Variants in RSRC1 observed in about 807,000 individuals in gnomAD.
RSRC1 encodes the protein arginine and serine rich coiled-coil 1.
A neutral mutation model predicts 49.1 loss-of-function variants in RSRC1; 39 were observed. The observed-to-expected ratio is 0.79, with a 90% CI of 0.61 to 1.04. The LOEUF (loss-of-function observed/expected upper bound fraction) is 1.04. Ranked by LOEUF, RSRC1 falls within the 50% of genes least tolerant of loss-of-function variation. The pLI, the probability that RSRC1 is intolerant of heterozygous loss-of-function variation, is 0.00. For synonymous variants in RSRC1, 143 were observed against 130.8 expected, an observed-to-expected ratio of 1.09 and a Z score of -0.63; for missense variants, 388 against 402.4, an observed-to-expected ratio of 0.96 and a Z score of 0.31.
At chr3:158,206,157 A>G (rs1721334538) in intron 4 of RSRC1, among the ~76,000 whole-genome samples, 1 of 152,216 alleles carries the variant, frequency 6.6e-6, no homozygotes, top group Admixed American at 6.5e-5. Flanking sequence ...TGAGCAGTTA[A>G]AAGATAAGCA....
chr3:158,300,423 A>G (rs376554265), intron 5 of RSRC1, among the ~76,000 whole-genome samples: 1 of 152,200 alleles, frequency 6.6e-6, no homozygotes, highest in Non-Finnish European at 1.5e-5. Context: ...ATTATGAAGA[A>G]TATCTTTATA....
chr3:158,340,350 G>T (rs1046133577), intron 5 of RSRC1, among the ~76,000 whole-genome samples: 1 of 152,136 alleles, frequency 6.6e-6, no homozygotes, highest in African/African-American at 2.4e-5. Context: ...AGACCAGCCT[G>T]CCCAATATGG....
chr3:158,488,720 T>A (rs1738935722), intron 7 of RSRC1, among the ~76,000 whole-genome samples: 1 of 152,218 alleles, frequency 6.6e-6, no homozygotes, highest in Non-Finnish European at 1.5e-5. Context: ...AACTCTGCTG[T>A]TAAATGAGTA....
intron 3 of RSRC1, among the ~76,000 whole-genome samples, chr3:158,173,310 G>A (rs1202549091): frequency 2.0e-5 from 3 of 151,794 alleles, no homozygotes; most frequent in Non-Finnish European, 2.9e-5. Flanking sequence ...TTGACTTTTC[G>A]TAACTCTATA....
At chr3:158,301,648 G>C (rs1177083823) in intron 5 of RSRC1, among the ~76,000 whole-genome samples, 1 of 152,102 alleles carries the variant, frequency 6.6e-6, no homozygotes, top group African/African-American at 2.4e-5. Context: ...AGCATACTTT[G>C]AGTAAAACAA....
At chr3:158,387,315 T>C (rs1359268833) in intron 6 of RSRC1, among the ~76,000 whole-genome samples, 1 of 152,132 alleles carries the variant, frequency 6.6e-6, no homozygotes, top group Non-Finnish European at 1.5e-5. Flanking sequence ...GGTTCTGGAC[T>C]ACTCCAACTT....
At chr3:158,358,927 T>TACACACAC (rs71777898) in intron 6 of RSRC1, among the ~76,000 whole-genome samples, 38 of 129,052 alleles carry the variant, frequency 2.9e-4, no homozygotes, top group African/African-American at 8.3e-4. Flanking sequence ...CACACAAACA[T>TACACACAC]ACACACACAC....
intron 5 of RSRC1, among the ~76,000 whole-genome samples, chr3:158,345,194 T>G (rs1373433016): frequency 1.3e-5 from 2 of 151,150 alleles, no homozygotes; most frequent in Non-Finnish European, 2.9e-5. Flanking sequence ...GCCGCTGCAC[T>G]CCAGTGTGGG....
At chr3:158,393,657 T>C (rs1287978099) in intron 6 of RSRC1, among the ~76,000 whole-genome samples, 1 of 151,848 alleles carries the variant, frequency 6.6e-6, no homozygotes. Flanking sequence ...AGTTTTGAAA[T>C]TGAATCAGTA....
intron 3 of RSRC1, among the ~76,000 whole-genome samples, chr3:158,176,571 G>T (rs1486353733): frequency 2.0e-5 from 3 of 152,178 alleles, no homozygotes; most frequent in Non-Finnish European, 2.9e-5. Flanking sequence ...AATAAATGGT[G>T]CTGGGAAAAC....
intron 6 of RSRC1, among the ~76,000 whole-genome samples, chr3:158,394,215 C>T (rs1733484217): frequency 1.3e-5 from 2 of 152,008 alleles, no homozygotes; most frequent in Non-Finnish European, 1.5e-5. Flanking sequence ...TGGGCAAAAG[C>T]TGGAAGTATT....
At chr3:158,458,020 G>T (rs1018761486) in intron 6 of RSRC1, among the ~76,000 whole-genome samples, 3 of 152,084 alleles carry the variant, frequency 2.0e-5, no homozygotes, top group African/African-American at 7.2e-5. Context: ...AGTGCAAATG[G>T]GTGGGTTTAC....
intron 3 of RSRC1, chr3:158,136,929 A>G (rs1716416010): frequency 1.3e-5 from 2 of 152,300 alleles, no homozygotes; most frequent in East Asian, 3.9e-4. Flanking sequence ...TTCAAGTTCT[A>G]AAAATCTGCT....
chr3:158,208,897 A>G lies in RSRC1; in HGVS notation c.494+5652A>G, dbSNP rs372809014. Among the ~76,000 whole-genome samples the G allele has an allele frequency of 5.8e-4, 88 of 152,310 alleles. No homozygotes were observed. In the South Asian group the frequency reaches 0.018, roughly 31 times the overall value. On this transcript the variant is annotated intron_variant, in intron 4 of 9. Coordinates refer to ENST00000611884, the MANE Select transcript of RSRC1 (RefSeq NM_001271838.2). Reference sequence around the variant, plus strand: ...CTATCTAAGTCTTCTGTGGATTAACATATTATTGGACCTTCTTTACCTACA... The same window carrying G: ...CTATCTAAGTCTTCTGTGGATTAACGTATTATTGGACCTTCTTTACCTACA...
intron 6 of RSRC1, among the ~76,000 whole-genome samples, chr3:158,446,145 G>A (rs1300135709): frequency 6.6e-6 from 1 of 152,032 alleles, no homozygotes; most frequent in Non-Finnish European, 1.5e-5. Flanking sequence ...AGTAGTATCT[G>A]TTTTTAAATG....
intron 6 of RSRC1, among the ~76,000 whole-genome samples, chr3:158,369,835 GA>G (rs1731970780): frequency 6.6e-6 from 1 of 152,158 alleles, no homozygotes; most frequent in Middle Eastern, 3.4e-3. Context: ...CAAGACCTGT[GA>G]ATTCAATTGA....
chr3:158,381,380 G>A (rs1218338589), intron 6 of RSRC1, among the ~76,000 whole-genome samples: 1 of 152,130 alleles, frequency 6.6e-6, no homozygotes, highest in South Asian at 2.1e-4. Context: ...TTCCATATGA[G>A]CAGTCCCCCT....
At chr3:158,431,878 C>T (rs982963330) in intron 6 of RSRC1, among the ~76,000 whole-genome samples, 1 of 151,912 alleles carries the variant, frequency 6.6e-6, no homozygotes, top group South Asian at 2.1e-4. Flanking sequence ...CATCACAAAA[C>T]ATGTTTGTTA....
chr3:158,406,708 A>G (rs567120421), intron 6 of RSRC1, among the ~76,000 whole-genome samples: 3 of 152,260 alleles, frequency 2.0e-5, no homozygotes, highest in South Asian at 4.1e-4. Context: ...AGTAAGCAGC[A>G]TGCATTAGAA....
Sources: allele counts gnomAD v4.1 joint callset (sites outside exome capture counted in the v4.1 genomes callset), GRCh38; gene constraint gnomAD v4.1.1; transcripts MANE v1.5; gene names NCBI Gene and HGNC (gene_info 2026-07-23, HGNC 2026-07-21).